Variants in ST3GAL6 observed in about 807,000 individuals in gnomAD.
ST3GAL6 encodes the protein ST3 beta-galactoside alpha-2,3-sialyltransferase 6, also known as type 2 lactosamine alpha-2,3-sialyltransferase.
Under a neutral mutation model 40.5 loss-of-function variants are expected in ST3GAL6, and 31 were observed. The observed-to-expected ratio is 0.77, with a 90% confidence interval of 0.58 to 1.03. The LOEUF (loss-of-function observed/expected upper bound fraction) is 1.03. Among genes scored for constraint, ST3GAL6 ranks in the 50% least tolerant of loss-of-function variants. ST3GAL6 has a pLI of 0.00. For missense variants in ST3GAL6, 357 were observed against 393.2 expected (o/e 0.91, Z 0.78); for synonymous variants, 129 against 136.9 (o/e 0.94, Z 0.40).
intron 1 of ST3GAL6, among the ~76,000 whole-genome samples, chr3:98,747,191 T>G (rs828598): frequency 0.41 from 61,764 of 151,996 alleles, 12,948 homozygotes; most frequent in Middle Eastern, 0.56. Context: ...GCTCATTTTT[T>G]CAGCCCCGTC....
chr3:98,740,351 A>T (rs1935965318), intron 1 of ST3GAL6, among the ~76,000 whole-genome samples: 1 of 149,126 alleles, frequency 6.7e-6, no homozygotes, highest in East Asian at 2.0e-4. Flanking sequence ...AATGATTTTC[A>T]TTATTTTTTT....
At chr3:98,781,954 G>A (rs1429590688) in intron 5 of ST3GAL6, among the ~76,000 whole-genome samples, 1 of 152,148 alleles carries the variant, frequency 6.6e-6, no homozygotes, top group Non-Finnish European at 1.5e-5. Context: ...TGACCCTGAG[G>A]TTATGGAAAG....
intron 3 of ST3GAL6, chr3:98,771,188 C>A: frequency 6.9e-7 from 1 of 1,449,790 alleles, no homozygotes; most frequent in Non-Finnish European, 9.2e-7. Context: ...TCTTTTCACA[C>A]AGGTGAGGCT....
chr3:98,736,920 T>C (rs561148798), intron 1 of ST3GAL6, among the ~76,000 whole-genome samples: 2 of 152,310 alleles, frequency 1.3e-5, no homozygotes, highest in African/African-American at 4.8e-5. Flanking sequence ...GGAGGAGATG[T>C]AGTCAGTAAG....
In ST3GAL6 at chr3:98,772,935, A is replaced by G. The variant is rs765953269; in HGVS notation, c.271+19A>G. 8.0e-6 allele frequency: 12 copies of G among 1,505,622 alleles called. No homozygotes were observed. The South Asian group carries it at 1.4e-4, about 17-fold the overall frequency. 93.3% of individuals were successfully genotyped at this position (1,505,622 alleles called of 1,614,324 possible). A position where few individuals can be genotyped will look rare whatever the true frequency, so the allele number is the denominator to read the frequency against. ...ACATCAGGTCAGTAGTAGTATTCTT[A>G]CCTGGTTCTGTTAAATTTGAGTGGT... On this transcript the variant is annotated intron_variant, in intron 4 of 9. Coordinates refer to ENST00000483910, the MANE Select transcript of ST3GAL6 (RefSeq NM_001323368.2).
chr3:98,775,747 C>T (rs1302642460), intron 5 of ST3GAL6, among the ~76,000 whole-genome samples: 2 of 152,146 alleles, frequency 1.3e-5, no homozygotes, highest in Non-Finnish European at 2.9e-5. Flanking sequence ...CTGTTTCCTG[C>T]CCCTTTCCTC....
chr3:98,740,419 A>T (rs1935972883), intron 1 of ST3GAL6, among the ~76,000 whole-genome samples: 2 of 152,062 alleles, frequency 1.3e-5, no homozygotes, highest in East Asian at 1.9e-4. Flanking sequence ...CTGCCATCTT[A>T]TGTTGCTAAC....
In ST3GAL6 at chr3:98,763,715, G is replaced by A. The variant is rs956363474; in HGVS notation, c.-12+276G>A. 2.0e-5 allele frequency among the ~76,000 whole-genome samples: 3 copies of A among 149,272 alleles called. No individual in the cohort carries two copies. The East Asian group carries it at 5.9e-4, about 29-fold the overall frequency. Reference sequence around the variant, plus strand: ...TCACCCCAGGGCAGATGGGGACATGGTTTAGGATCCTAGTGACTAAAAAAA... The same window carrying A: ...TCACCCCAGGGCAGATGGGGACATGATTTAGGATCCTAGTGACTAAAAAAA... On this transcript the variant is annotated intron_variant, in intron 1 of 9. Transcript: ENST00000483910.
chr3:98,753,187 A>G lies in ST3GAL6; in HGVS notation c.-11-15243A>G, dbSNP rs1172546370. On this transcript the variant is annotated intron_variant, in intron 1 of 9. Coordinates refer to the ST3GAL6 transcript ENST00000265261. Reference sequence around the variant, plus strand: ...CAGTGAATACACAAATGGTAAAGTGAAAGCCTTATTGCTGATATATAGAGA... The same window carrying G: ...CAGTGAATACACAAATGGTAAAGTGGAAGCCTTATTGCTGATATATAGAGA... Among the ~76,000 whole-genome samples the G allele has an allele frequency of 2.0e-5, 3 of 152,240 alleles. No individual in the cohort carries two copies. The East Asian group carries it at 5.8e-4, about 29-fold the overall frequency.
chr3:98,749,640 T>C (rs942281692), intron 1 of ST3GAL6, among the ~76,000 whole-genome samples: 1 of 152,226 alleles, frequency 6.6e-6, no homozygotes, highest in African/African-American at 2.4e-5. Context: ...TGAAATGTTA[T>C]TTATAACTTT....
intron 1 of ST3GAL6, among the ~76,000 whole-genome samples, chr3:98,735,335 C>G (rs1935447160): frequency 6.6e-6 from 1 of 152,174 alleles, no homozygotes; most frequent in African/African-American, 2.4e-5. Flanking sequence ...CCTGGCATAT[C>G]CTCCATTTAT....
intron 1 of ST3GAL6, chr3:98,733,385 T>C (rs998043707): frequency 6.7e-6 from 7 of 1,038,134 alleles, no homozygotes; most frequent in African/African-American, 1.7e-5. Context: ...GCCGGCGAGG[T>C]TGTGCAATTG....
intron 1 of ST3GAL6, among the ~76,000 whole-genome samples, chr3:98,746,988 G>A (rs890967644): frequency 5.9e-5 from 9 of 152,110 alleles, no homozygotes; most frequent in African/African-American, 1.7e-4. Context: ...GACCAGGCTC[G>A]TTCATGCTCT....
chr3:98,767,656 C>T (rs1938507814), intron 1 of ST3GAL6, among the ~76,000 whole-genome samples: 1 of 152,150 alleles, frequency 6.6e-6, no homozygotes, highest in South Asian at 2.1e-4. Flanking sequence ...GGAAACTTTT[C>T]CTTTTTTCCT....
intron 8 of ST3GAL6, among the ~76,000 whole-genome samples, chr3:98,789,430 A>G (rs1035839301): frequency 3.9e-5 from 6 of 152,226 alleles, no homozygotes; most frequent in African/African-American, 1.4e-4. Flanking sequence ...CTATGCATTC[A>G]TAAACACATA....
rs369460068 is a variant in ST3GAL6 at position 98,740,522 on chromosome 3, TCTC to T, written c.-12+7995_-12+7997del. Among the ~76,000 whole-genome samples, 573 of 152,240 alleles carry T rather than the reference TCTC, an allele frequency of 3.8e-3. 3 individuals carry two copies. Among genetic ancestry groups the T allele is most frequent in the African/African-American group, 0.013 (545 of 41,542 alleles). On this transcript the variant is annotated intron_variant, in intron 1 of 9. Transcript: ENST00000265261. ...CTTTGACACTCAGTGCCATTCTCCT[TCTC>T]CTCCACACTCTCCCATCTAAGCCAG...
At position 98,766,405 on chromosome 3, in the gene ST3GAL6, CTTTTTTTTTTTTTTTT is replaced by C. The variant is rs369996406; in HGVS notation, c.-11-2008_-11-1993del. Among the ~76,000 whole-genome samples the C allele has an allele frequency of 2.0e-3, 210 of 104,070 alleles. 3 individuals are homozygous for C. In the Middle Eastern group the frequency reaches 0.022, roughly 11 times the overall value. 68.3% of individuals were successfully genotyped at this position (104,070 alleles called of 152,430 possible). A position where few individuals can be genotyped will look rare whatever the true frequency, so the allele number is the denominator to read the frequency against. ...GTTGGATCTTTGCATAAATGTCATTCTTTTTTTTTTTTTTTTTTTTTTTTTTTTTTTTGGGAAAGGG... is the reference window on the plus strand; with the variant it reads ...GTTGGATCTTTGCATAAATGTCATTCTTTTTTTTTTTTTTTTGGGAAAGGG... On this transcript the variant is annotated intron_variant, in intron 1 of 9. Coordinates refer to ENST00000483910, the MANE Select transcript of ST3GAL6 (RefSeq NM_001323368.2).
chr3:98,759,373 A>T (rs1937581024), upstream of ST3GAL6, among the ~76,000 whole-genome samples: 1 of 152,204 alleles, frequency 6.6e-6, no homozygotes, highest in African/African-American at 2.4e-5. Context: ...ACCCAAGGGG[A>T]GATTCTGGAA....
intron 1 of ST3GAL6, chr3:98,756,236 A>T: frequency 1.5e-6 from 1 of 653,194 alleles, no homozygotes. Context: ...ATCATCCTGG[A>T]AAACATTTTT....
Sources: gnomAD v4.1 joint callset for allele counts (sites outside exome capture counted in the v4.1 genomes callset) on GRCh38, gnomAD v4.1.1 for gene constraint, MANE v1.5 for transcripts, NCBI Gene and HGNC (gene_info 2026-07-23, HGNC 2026-07-21) for gene names.